RBFOX3: variants seen among roughly 807,000 people sequenced by gnomAD.
RBFOX3 encodes RNA binding protein fox-1 homolog 3.
Under a neutral mutation model 48.7 loss-of-function variants are expected in RBFOX3, and 17 were observed. The ratio of observed to expected loss-of-function variants is 0.35; its 90% confidence interval spans 0.24 to 0.52. The LOEUF (loss-of-function observed/expected upper bound fraction) is 0.52. Among genes scored for constraint, RBFOX3 ranks in the 20% least tolerant of loss-of-function variants. The pLI, the probability that RBFOX3 is intolerant of heterozygous loss-of-function variation, is 0.94. For missense variants in RBFOX3, 382 were observed against 497.5 expected (o/e 0.77, Z 2.21); for synonymous variants, 212 against 209.5 (o/e 1.01, Z -0.10).
chr17:79,453,042 C>T (rs2073834152), intron 2 of RBFOX3, among the ~76,000 whole-genome samples: 2 of 152,222 alleles, frequency 1.3e-5, no homozygotes, highest in African/African-American at 4.8e-5. Context: ...TGGGGGTGAT[C>T]GCAGGGCCTC....
intron 4 of RBFOX3, among the ~76,000 whole-genome samples, chr17:79,180,923 A>G (rs1267945227): frequency 6.6e-6 from 1 of 152,088 alleles, no homozygotes; most frequent in African/African-American, 2.4e-5. Context: ...TTGCCTTCCC[A>G]CTGCCCCTAC....
chr17:79,173,538 T>C (rs544887247), intron 4 of RBFOX3, among the ~76,000 whole-genome samples: 1 of 152,230 alleles, frequency 6.6e-6, no homozygotes, highest in Non-Finnish European at 1.5e-5. Flanking sequence ...TCAGCTAAGA[T>C]CCCAGTTAAA....
At chr17:79,645,275 G>A in the RBFOX3 span, among the ~76,000 whole-genome samples, 1 of 152,108 alleles carries the variant, frequency 6.6e-6, no homozygotes, top group Non-Finnish European at 1.5e-5. Context: ...GCAATGTCCA[G>A]CAAGTGCACC....
chr17:79,575,717 T>C (rs2092835695), intron 1 of RBFOX3, among the ~76,000 whole-genome samples: 1 of 152,200 alleles, frequency 6.6e-6, no homozygotes, highest in Non-Finnish European at 1.5e-5. Flanking sequence ...GTCAAGGCAC[T>C]TCCGACTTCT....
At chr17:79,468,624 C>T (rs1321469686) in intron 2 of RBFOX3, among the ~76,000 whole-genome samples, 11 of 149,272 alleles carry the variant, frequency 7.4e-5, no homozygotes, top group African/African-American at 9.9e-5. Context: ...AGCAGATAGG[C>T]AGGCAGATAG....
chr17:79,281,046 G>C (rs939491340), intron 3 of RBFOX3, among the ~76,000 whole-genome samples: 1 of 152,236 alleles, frequency 6.6e-6, no homozygotes, highest in Non-Finnish European at 1.5e-5. Flanking sequence ...ACCCCCACTG[G>C]CAGGTGGCAG....
chr17:79,632,741 T>TA, the RBFOX3 span, among the ~76,000 whole-genome samples: 66,053 of 125,270 alleles, frequency 0.53, 20,172 homozygotes, highest in Non-Finnish European at 0.69. Flanking sequence ...ACGTATCTAC[T>TA]AAAAAAAAAA....
intron 2 of RBFOX3, among the ~76,000 whole-genome samples, chr17:79,333,026 G>A (rs775780348): frequency 2.0e-5 from 3 of 151,650 alleles, no homozygotes; most frequent in Non-Finnish European, 4.4e-5. Flanking sequence ...GAGATGGGGT[G>A]GGGGAGAGAC....
At chr17:79,261,035 G>C (rs372909914) in intron 3 of RBFOX3, among the ~76,000 whole-genome samples, 1 of 152,030 alleles carries the variant, frequency 6.6e-6, no homozygotes, top group African/African-American at 2.4e-5. Context: ...CACCCTAGCT[G>C]TTCCTCGCTT....
intron 4 of RBFOX3, among the ~76,000 whole-genome samples, chr17:79,228,967 C>T (rs1053425972): frequency 8.6e-5 from 13 of 152,032 alleles, no homozygotes; most frequent in Non-Finnish European, 4.4e-5. Context: ...GTGGCTCATG[C>T]CTGTAATCCC....
At chr17:79,660,039 G>C in the RBFOX3 span, among the ~76,000 whole-genome samples, 1 of 151,960 alleles carries the variant, frequency 6.6e-6, no homozygotes, top group African/African-American at 2.4e-5. Context: ...ATATAAAAAT[G>C]AACAGGGCAT....
At chr17:79,502,363 G>C (rs1223075456) in intron 1 of RBFOX3, among the ~76,000 whole-genome samples, 1 of 134,992 alleles carries the variant, frequency 7.4e-6, no homozygotes, top group African/African-American at 2.8e-5. Flanking sequence ...CAGGGAGGGG[G>C]AAGGGGAGTT....
chr17:79,175,082 CT>C (rs1344488721), intron 4 of RBFOX3, among the ~76,000 whole-genome samples: 2 of 152,218 alleles, frequency 1.3e-5, no homozygotes, highest in Non-Finnish European at 2.9e-5. Context: ...GTCTATCTGC[CT>C]CTTTAGTGAC....
At chr17:79,302,356 T>C (rs962016379) in intron 3 of RBFOX3, among the ~76,000 whole-genome samples, 1 of 152,148 alleles carries the variant, frequency 6.6e-6, no homozygotes, top group African/African-American at 2.4e-5. Flanking sequence ...TCCACCCAAA[T>C]GTTTCTGGTT....
At chr17:79,657,159 A>G in the RBFOX3 span, among the ~76,000 whole-genome samples, 1 of 152,122 alleles carries the variant, frequency 6.6e-6, no homozygotes, top group Non-Finnish European at 1.5e-5. Context: ...GAGGAAGGGG[A>G]GGAAGGAGAG....
At chr17:79,209,233 G>A (rs551899932) in intron 4 of RBFOX3, among the ~76,000 whole-genome samples, 4 of 152,224 alleles carry the variant, frequency 2.6e-5, no homozygotes, top group African/African-American at 4.8e-5. Context: ...CTTCTGTGAT[G>A]TGCCCCCATC....
At chr17:79,466,397 G>A (rs1194347636) in intron 2 of RBFOX3, among the ~76,000 whole-genome samples, 1 of 152,198 alleles carries the variant, frequency 6.6e-6, no homozygotes, top group Admixed American at 6.5e-5. Context: ...GAGAAGGGCA[G>A]CACCTGCGAG....
At chr17:79,656,763 AAGGAAGGAAG>A in the RBFOX3 span, among the ~76,000 whole-genome samples, 17 of 38,492 alleles carry the variant, frequency 4.4e-4, no homozygotes, top group South Asian at 2.6e-3. Flanking sequence ...GGAAGGAAGG[AAGGAAGGAAG>A]GAAGGAAAGA....
intron 4 of RBFOX3, among the ~76,000 whole-genome samples, chr17:79,179,657 G>A (rs1434149269): frequency 1.3e-5 from 2 of 152,118 alleles, no homozygotes; most frequent in South Asian, 2.1e-4. Flanking sequence ...TAATAATAAA[G>A]TAATTACCGT....
Sources: gnomAD v4.1 joint callset for allele counts (sites outside exome capture counted in the v4.1 genomes callset) on GRCh38, gnomAD v4.1.1 for gene constraint, MANE v1.5 for transcripts, NCBI Gene and HGNC (gene_info 2026-07-23, HGNC 2026-07-21) for gene names.